Variants in TEK observed in about 807,000 individuals in gnomAD.
TEK encodes angiopoietin-1 receptor.
In TEK, 43 loss-of-function variants were observed where a neutral mutation model predicts 131.8. The ratio of observed to expected loss-of-function variants is 0.33; its 90% CI spans 0.26 to 0.42. The LOEUF is 0.42. Among genes scored for constraint, TEK ranks in the 10% least tolerant of loss-of-function variants. The probability of loss-of-function intolerance (pLI) is 1.00; values close to 1 mark genes in which losing one functional copy is unlikely to be tolerated. For synonymous variants in TEK, 580 were observed against 491.6 expected (o/e 1.18, Z -2.38); for missense variants, 1,162 against 1,384.4 (o/e 0.84, Z 2.55).
chr9:27,150,177 G>T (rs1823072341), intron 1 of TEK, among the ~76,000 whole-genome samples: 1 of 152,128 alleles, frequency 6.6e-6, no homozygotes, highest in African/African-American at 2.4e-5. Context: ...TAAGGACTTG[G>T]CTGTTAACAC....
chr9:27,131,445 C>G (rs1294878330), intron 1 of TEK, among the ~76,000 whole-genome samples: 4 of 147,982 alleles, frequency 2.7e-5, no homozygotes, highest in African/African-American at 1.0e-4. Context: ...TGCCACTGCA[C>G]TCCAGCCTGG....
chr9:27,144,180 G>T (rs1822830865), intron 1 of TEK, among the ~76,000 whole-genome samples: 1 of 152,090 alleles, frequency 6.6e-6, no homozygotes, highest in Admixed American at 6.6e-5. Flanking sequence ...TACTTGGGAG[G>T]CTGAGGCATG....
chr9:27,109,307 G>T lies in TEK; in HGVS notation c.-284G>T, dbSNP rs1189834936. On this transcript the variant is annotated 5_prime_UTR_variant, in exon 1 of 23. Coordinates refer to ENST00000380036, the MANE Select transcript of TEK (RefSeq NM_000459.5). ...TTTTGATGAATTGCGAGATGGATAG[G>T]GCTTGAGTGCCCCCAGCCCTGCTGA... The T allele has an allele frequency of 1.8e-6, 1 of 569,130 alleles. No individual in the cohort carries two copies. The highest frequency in any genetic ancestry group is 3.1e-6 in the Non-Finnish European group (1 of 324,836). The allele number at this position is 569,130 out of a possible 1,614,324, so 35.3% of individuals were successfully genotyped here. A position where few individuals can be genotyped will look rare whatever the true frequency, so the allele number is the denominator to read the frequency against.
intron 1 of TEK, among the ~76,000 whole-genome samples, chr9:27,145,386 C>T (rs1416148681): frequency 6.6e-6 from 1 of 152,174 alleles, no homozygotes; most frequent in African/African-American, 2.4e-5. Flanking sequence ...GGACACAAAG[C>T]CATGAGCCGT....
chr9:27,215,081 G>A (rs2131233286), intron 18 of TEK, among the ~76,000 whole-genome samples: 1 of 152,270 alleles, frequency 6.6e-6, no homozygotes, highest in Non-Finnish European at 1.5e-5. Context: ...GGGTGAGAAG[G>A]TGGAGGGATA....
At chr9:27,155,275 G>A (rs950954791) in intron 1 of TEK, among the ~76,000 whole-genome samples, 22 of 152,256 alleles carry the variant, frequency 1.4e-4, no homozygotes, top group African/African-American at 1.7e-4. Context: ...TTTGTAGCTC[G>A]TCGTCTCTTT....
chr9:27,180,427 G>A, intron 7 of TEK, 59 bp downstream of exon 7: 1 of 1,580,926 alleles, frequency 6.3e-7, no homozygotes, highest in Non-Finnish European at 8.6e-7. Flanking sequence ...CTGAGCTTTG[G>A]TAGTGTAATT....
chr9:27,172,523 TC>T, intron 4 of TEK, 92 bp from the exon 5 acceptor site: 3 of 1,533,030 alleles, frequency 2.0e-6, no homozygotes, highest in Non-Finnish European at 2.7e-6. Flanking sequence ...TTCACCATTG[TC>T]CACTGAATGA....
intron 6 of TEK, among the ~76,000 whole-genome samples, chr9:27,177,498 C>T (rs568375138): frequency 3.4e-4 from 52 of 152,296 alleles, no homozygotes; most frequent in African/African-American, 1.2e-3. Context: ...TGCCTGTAAT[C>T]CCAGCACTTT....
Position 27,219,022 on chromosome 9 carries a change from C to G in TEK, c.3103+205C>G, listed in dbSNP as rs75003717. Among the ~76,000 whole-genome samples the G allele has an allele frequency of 0.068, 7,694 of 113,200 alleles. 390 individuals carry two copies. Among genetic ancestry groups the G allele is most frequent in the Admixed American group, 0.18 (2,312 of 12,518 alleles). 74.3% of individuals were successfully genotyped at this position (113,200 alleles called of 152,430 possible). On this transcript the variant is annotated intron_variant, in intron 20 of 22. Coordinates refer to ENST00000380036, the MANE Select transcript of TEK (RefSeq NM_000459.5). ...TAACGTCATATTTAACACTAATGAC[C>G]TGGAGGCCATGAACTTTATTATATA...
At chr9:27,163,291 A>C (rs1004217251) in intron 2 of TEK, among the ~76,000 whole-genome samples, 2 of 152,168 alleles carry the variant, frequency 1.3e-5, no homozygotes, top group Non-Finnish European at 2.9e-5. Context: ...CTTTCAAAAC[A>C]GATGTGATCT....
chr9:27,141,433 A>T (rs1428143985), intron 1 of TEK, among the ~76,000 whole-genome samples: 1 of 152,152 alleles, frequency 6.6e-6, no homozygotes, highest in Non-Finnish European at 1.5e-5. Context: ...GGAACTCTGC[A>T]TACTGTAACT....
At position 27,183,483 on chromosome 9, in the gene TEK, T is replaced by G; in HGVS notation, c.1055T>G (p.Ile352Arg). The G allele has an allele frequency of 6.2e-7, 1 of 1,613,866 alleles. No individual in the cohort carries two copies. Among genetic ancestry groups the G allele is most frequent in the Non-Finnish European group, 8.5e-7 (1 of 1,179,816 alleles). ...GGCATACAGAGGATGACCCCAAAGA[T>G]AGTGGATTTGCCAGATCATATAGAA... is the stretch of plus-strand genomic sequence containing the variant. Reference protein sequence around the residue: ...REGIQRMTPKIVDLPDHIEVN... With the variant: ...REGIQRMTPKRVDLPDHIEVN... The change falls in exon 8 of 23, where the codon ATA becomes AGA. Residue 352 changes from isoleucine to arginine, a missense_variant. Ile to Arg is a moderately conservative substitution (Grantham distance 97, BLOSUM62 -3). Around this residue, in one of 6 missense-constraint regions of TEK, gnomAD observed 436 missense variants for 539.1 expected, o/e 0.81. Transcript: ENST00000380036.
chr9:27,227,240 G>C (rs1826373362), intron 21 of TEK, among the ~76,000 whole-genome samples: 1 of 152,108 alleles, frequency 6.6e-6, no homozygotes, highest in Non-Finnish European at 1.5e-5. Flanking sequence ...GTAAGTTTAG[G>C]GCAGGTTCCA....
chr9:27,121,415 G>A (rs1412936912), intron 1 of TEK, among the ~76,000 whole-genome samples: 1 of 151,274 alleles, frequency 6.6e-6, no homozygotes, highest in Non-Finnish European at 1.5e-5. Context: ...ATTACTGCTG[G>A]CCTGCAAGAT....
rs12006202 is a variant in TEK at position 27,158,277 on chromosome 9, C to G, written c.364+135C>G. 500 of 1,012,742 alleles carry G rather than the reference C, an allele frequency of 4.9e-4. 1 individual carries two copies. The African/African-American group carries it at 7.5e-3, about 15-fold the overall frequency. The allele number at this position is 1,012,742 out of a possible 1,614,324, so 62.7% of individuals were successfully genotyped here. A position where few individuals can be genotyped will look rare whatever the true frequency, so the allele number is the denominator to read the frequency against. ...GCTTGACGATCTTGCCTGTCTCTTT[C>G]CATGCATCACCGTGTCTGGTACATG... On this transcript the variant is annotated intron_variant, in intron 2 of 22. Coordinates refer to ENST00000380036, the MANE Select transcript of TEK (RefSeq NM_000459.5).
In TEK at chr9:27,192,596, G is replaced by A; in HGVS notation, c.1597G>A (p.Val533Met). Residue 533 changes from valine (V) to methionine (M), a missense_variant, in exon 11 of 23, where the codon GTG becomes ATG. Physicochemically the swap from Val to Met is conservative, Grantham distance 21 (BLOSUM62 1). Coordinates refer to ENST00000380036, the MANE Select transcript of TEK (RefSeq NM_000459.5). ...GGGTGGGGAAGGGCATCCTGGACCT[G>A]TGAGACGCTTCACAACAGCTTCTAT... The part of the protein sequence containing the change: ...GEGGEGHPGP[V>M]RRFTTASIGL... 2 of 1,613,558 alleles carry A rather than the reference G, an allele frequency of 1.2e-6. No homozygotes were observed. Among genetic ancestry groups the A allele is most frequent in the Non-Finnish European group, 1.7e-6 (2 of 1,179,764 alleles).
chr9:27,117,277 C>T (rs550105295), intron 1 of TEK, among the ~76,000 whole-genome samples: 5 of 152,290 alleles, frequency 3.3e-5, no homozygotes, highest in East Asian at 1.9e-4. Flanking sequence ...CCAGCTGCAC[C>T]GGCAGCATCA....
chr9:27,169,383 C>G (rs1823863316), intron 3 of TEK, 94 bp from the exon 4 acceptor site: 1 of 1,540,952 alleles, frequency 6.5e-7, no homozygotes, highest in African/African-American at 1.4e-5. Context: ...TTTTCTTGAC[C>G]ATGTCAGGGA....
Sources: allele counts gnomAD v4.1 joint callset (sites outside exome capture counted in the v4.1 genomes callset), GRCh38; gene constraint gnomAD v4.1.1; regional missense constraint gnomAD v4.1.1; transcripts MANE v1.5; gene names NCBI Gene and HGNC (gene_info 2026-07-23, HGNC 2026-07-21).